CTNNA3: variants seen among roughly 807,000 people sequenced by gnomAD.
CTNNA3 encodes catenin alpha 3, also known as catenin alpha-3.
CTNNA3 carries 76 observed loss-of-function variants against 95.7 expected under a neutral mutation model. That is an observed-to-expected ratio of 0.79 (90% CI 0.66 to 0.96). CTNNA3 has a LOEUF of 0.96. Ranked by LOEUF, CTNNA3 falls within the 40% of genes least tolerant of loss-of-function variation. The pLI, the probability that CTNNA3 is intolerant of heterozygous loss-of-function variation, is 0.00. For missense variants in CTNNA3, 1,191 were observed against 1,089.8 expected (o/e 1.09, Z -1.31); for synonymous variants, 431 against 374.4 (o/e 1.15, Z -1.74).
chr10:66,953,161 G>A (rs1406971473), intron 7 of CTNNA3, among the ~76,000 whole-genome samples: 2 of 152,094 alleles, frequency 1.3e-5, no homozygotes, highest in African/African-American at 4.8e-5. Flanking sequence ...GTTGAGCCTC[G>A]CTGATGGGCT....
intron 5 of CTNNA3, among the ~76,000 whole-genome samples, chr10:67,365,087 T>A (rs934879456): frequency 9.2e-5 from 14 of 152,160 alleles, no homozygotes; most frequent in African/African-American, 3.4e-4. Flanking sequence ...TACAACTATC[T>A]AATCTTTGAC....
chr10:66,312,025 G>A (rs576509989), intron 12 of CTNNA3, among the ~76,000 whole-genome samples: 18 of 152,270 alleles, frequency 1.2e-4, no homozygotes, highest in East Asian at 9.6e-4. Flanking sequence ...AAGCTGCTAC[G>A]TATCACTATT....
intron 7 of CTNNA3, among the ~76,000 whole-genome samples, chr10:66,980,295 T>C (rs1233817754): frequency 6.6e-6 from 1 of 152,086 alleles, no homozygotes; most frequent in East Asian, 1.9e-4. Context: ...ATACCACAAG[T>C]CAACAAAGAT....
At chr10:66,504,113 A>G (rs1451104304) in intron 11 of CTNNA3, among the ~76,000 whole-genome samples, 1 of 152,120 alleles carries the variant, frequency 6.6e-6, no homozygotes, top group Non-Finnish European at 1.5e-5. Context: ...TATTGTTATT[A>G]ACTATAGTCA....
At chr10:66,901,084 A>C (rs1845724124) in intron 7 of CTNNA3, among the ~76,000 whole-genome samples, 1 of 152,184 alleles carries the variant, frequency 6.6e-6, no homozygotes, top group Non-Finnish European at 1.5e-5. Flanking sequence ...TGTCAGATTC[A>C]CCAAGGTTGA....
intron 14 of CTNNA3, among the ~76,000 whole-genome samples, chr10:66,075,007 T>A (rs1357603999): frequency 6.6e-6 from 1 of 151,834 alleles, no homozygotes; most frequent in East Asian, 1.9e-4. Context: ...TCAACCACAT[T>A]TACACAAATG....
At chr10:67,219,534 A>C (rs1864550109) in intron 6 of CTNNA3, 73 bp downstream of exon 6, 2 of 1,460,024 alleles carry the variant, frequency 1.4e-6, no homozygotes, top group Non-Finnish European at 1.8e-6. Flanking sequence ...CAACATGTGG[A>C]TCTTCTTCTG....
At chr10:66,938,381 G>A (rs892746147) in intron 7 of CTNNA3, among the ~76,000 whole-genome samples, 2 of 151,968 alleles carry the variant, frequency 1.3e-5, no homozygotes, top group African/African-American at 4.8e-5. Context: ...AATATAAAGA[G>A]TCAACCCATA....
intron 5 of CTNNA3, among the ~76,000 whole-genome samples, chr10:67,277,213 C>T (rs1222209937): frequency 1.3e-5 from 2 of 152,134 alleles, no homozygotes; most frequent in African/African-American, 2.4e-5. Flanking sequence ...ACTATTTCTA[C>T]CATGGCAATC....
chr10:66,633,885 G>C (rs1845243770), intron 9 of CTNNA3, among the ~76,000 whole-genome samples: 1 of 151,916 alleles, frequency 6.6e-6, no homozygotes, highest in Non-Finnish European at 1.5e-5. Flanking sequence ...AGTGAAATTA[G>C]TTTTCTAATT....
Position 66,038,582 on chromosome 10 carries a change from C to G in CTNNA3, c.2159+30726G>C, listed in dbSNP as rs142561711. Among the ~76,000 whole-genome samples the G allele has an allele frequency of 6.0e-3, 912 of 152,248 alleles. 8 individuals carry two copies. Among genetic ancestry groups the G allele is most frequent in the African/African-American group, 0.02 (833 of 41,514 alleles). On this transcript the variant is annotated intron_variant, in intron 15 of 17. Coordinates refer to ENST00000433211, the MANE Select transcript of CTNNA3 (RefSeq NM_013266.4). ...ACTTGAAAATTATGGAAAATAGGAC[C>G]TGCTGAGTCAATTTCAGAGGATTTT...
In CTNNA3 at chr10:65,978,082, T is replaced by C. The variant is rs145806410; in HGVS notation, c.2265+10610A>G. ...ACTTTTAATGCCTTTTTTTTTCTGA[T>C]TCCTGACTCTATCAAGTCCCTCAAA... is the stretch of plus-strand genomic sequence containing the variant. On this transcript the variant is annotated intron_variant, in intron 16 of 17. Coordinates refer to ENST00000433211, the MANE Select transcript of CTNNA3 (RefSeq NM_013266.4). Among the ~76,000 whole-genome samples the C allele has an allele frequency of 3.9e-3, 600 of 152,176 alleles. 3 individuals carry two copies. Among genetic ancestry groups the C allele is most frequent in the Non-Finnish European group, 6.1e-3 (413 of 68,002 alleles).
At chr10:65,977,888 C>T (rs2078237636) in intron 16 of CTNNA3, among the ~76,000 whole-genome samples, 1 of 152,130 alleles carries the variant, frequency 6.6e-6, no homozygotes, top group South Asian at 2.1e-4. Context: ...ATGAAAAGTA[C>T]TAGGTGTCAC....
chr10:67,728,588 G>T (rs1841257867), intron 1 of CTNNA3, among the ~76,000 whole-genome samples: 1 of 151,570 alleles, frequency 6.6e-6, no homozygotes, highest in Admixed American at 6.6e-5. Context: ...AATGCTGCTG[G>T]TCTGGGAACC....
At chr10:66,996,089 T>C (rs1851320220) in intron 7 of CTNNA3, among the ~76,000 whole-genome samples, 1 of 152,212 alleles carries the variant, frequency 6.6e-6, no homozygotes, top group East Asian at 1.9e-4. Context: ...AACTGAAAAC[T>C]ACTTAGGACT....
chr10:67,737,460 C>T (rs1345899681), intron 1 of CTNNA3, among the ~76,000 whole-genome samples: 1 of 151,884 alleles, frequency 6.6e-6, no homozygotes, highest in Admixed American at 6.6e-5. Flanking sequence ...AGGAACAAAC[C>T]AAACCCAAAA....
At chr10:66,249,665 T>C (rs1027431925) in intron 13 of CTNNA3, among the ~76,000 whole-genome samples, 2 of 152,134 alleles carry the variant, frequency 1.3e-5, no homozygotes, top group African/African-American at 4.8e-5. Flanking sequence ...AAGGGAACTT[T>C]TGTACACTGT....
intron 10 of CTNNA3, among the ~76,000 whole-genome samples, chr10:66,614,933 G>A (rs919924582): frequency 6.6e-6 from 1 of 151,922 alleles, no homozygotes; most frequent in African/African-American, 2.4e-5. Context: ...TTGTTAATTA[G>A]TGAATCTTAT....
upstream of CTNNA3, among the ~76,000 whole-genome samples, chr10:67,700,441 C>T (rs112783730): frequency 0.036 from 5,427 of 152,240 alleles, 100 homozygotes; most frequent in Middle Eastern, 0.085. Context: ...TGCAGAGGAA[C>T]GATCAGACAG....
Sources: allele counts gnomAD v4.1 joint callset (sites outside exome capture counted in the v4.1 genomes callset), GRCh38; gene constraint gnomAD v4.1.1; transcripts MANE v1.5; gene names NCBI Gene and HGNC (gene_info 2026-07-23, HGNC 2026-07-21).